Variants in PARVA observed in about 807,000 individuals in gnomAD.
PARVA encodes parvin alpha.
Under a neutral mutation model 52.6 loss-of-function variants are expected in PARVA, and 25 were observed. The observed-to-expected ratio is 0.48, with a 90% confidence interval of 0.35 to 0.66. The LOEUF (loss-of-function observed/expected upper bound fraction) is 0.66. PARVA is among the 30% of genes least tolerant of loss of function. The pLI is 0.01. For missense variants in PARVA, 373 were observed against 450.9 expected, an observed-to-expected ratio of 0.83 and a Z score of 1.56; for synonymous variants, 185 against 179.1, an observed-to-expected ratio of 1.03 and a Z score of -0.26.
At chr11:12,513,778 T>C (rs1050280790) in intron 9 of PARVA, 3 of 598,922 alleles carry the variant, frequency 5.0e-6, no homozygotes, top group African/African-American at 1.9e-5. Flanking sequence ...CCTTGTTCCT[T>C]ACACGCCCTG....
At chr11:12,387,975 C>T (rs1341774726) in intron 1 of PARVA, among the ~76,000 whole-genome samples, 1 of 152,132 alleles carries the variant, frequency 6.6e-6, no homozygotes, top group Non-Finnish European at 1.5e-5. Flanking sequence ...CCTTAATTCC[C>T]CAAAGTCTGT....
chr11:12,465,696 T>C (rs1940845007), intron 1 of PARVA, among the ~76,000 whole-genome samples: 1 of 152,246 alleles, frequency 6.6e-6, no homozygotes, highest in Non-Finnish European at 1.5e-5. Flanking sequence ...GCTTTATAGC[T>C]CATTTCCTTT....
At chr11:12,477,578 T>C (rs1158012560) in intron 3 of PARVA, among the ~76,000 whole-genome samples, 2 of 152,178 alleles carry the variant, frequency 1.3e-5, no homozygotes, top group Non-Finnish European at 2.9e-5. Context: ...ATAGTTCTCC[T>C]GCTTTTAAAA....
intron 1 of PARVA, among the ~76,000 whole-genome samples, chr11:12,442,711 C>T (rs369516268): frequency 5.9e-5 from 9 of 151,832 alleles, no homozygotes; most frequent in Middle Eastern, 3.4e-3. Context: ...CCATGAGAAC[C>T]GAGGGGAAAA....
Position 12,527,033 on chromosome 11 carries a change from G to A in PARVA, c.1043-816G>A, listed in dbSNP as rs372852152. 9.8e-5 allele frequency among the ~76,000 whole-genome samples: 15 copies of A among 152,318 alleles called. No homozygotes were observed. The East Asian group carries it at 2.9e-3, about 29-fold the overall frequency. The stretch of plus-strand genomic sequence containing the variant: ...GCCTCTAGCCTACAAAATCATGCAA[G>A]CTCTGTAACTTGGAATTCAAGGCCT... On this transcript the variant is annotated intron_variant, in intron 12 of 12. Transcript: ENST00000334956.
intron 1 of PARVA, among the ~76,000 whole-genome samples, chr11:12,388,962 C>G (rs1028987382): frequency 1.3e-5 from 2 of 151,926 alleles, no homozygotes; most frequent in African/African-American, 4.8e-5. Flanking sequence ...ATTACAGGGC[C>G]AGAGTGTGAT....
At chr11:12,443,115 C>A (rs902982694) in intron 1 of PARVA, among the ~76,000 whole-genome samples, 1 of 149,720 alleles carries the variant, frequency 6.7e-6, no homozygotes, top group Admixed American at 6.7e-5. Flanking sequence ...CCCGCCTGGG[C>A]CTCCCAAAGT....
intron 1 of PARVA, among the ~76,000 whole-genome samples, chr11:12,427,094 A>T (rs189959764): frequency 6.6e-6 from 1 of 152,358 alleles, no homozygotes; most frequent in East Asian, 1.9e-4. Context: ...AACAGAAATG[A>T]AGTAAAAATC....
At chr11:12,453,615 G>A (rs1940654210) in intron 1 of PARVA, among the ~76,000 whole-genome samples, 1 of 152,204 alleles carries the variant, frequency 6.6e-6, no homozygotes, top group African/African-American at 2.4e-5. Flanking sequence ...AGAAACTGAG[G>A]TGGGTTTTAT....
intron 1 of PARVA, among the ~76,000 whole-genome samples, chr11:12,389,804 A>C (rs1939631290): frequency 6.6e-6 from 1 of 152,196 alleles, no homozygotes; most frequent in African/African-American, 2.4e-5. Context: ...GATCTGAGCC[A>C]GTTAGAGCAC....
rs1001301796 is a variant in PARVA, at chr11:12,532,015, CT to C, written c.*4091del. Among the ~76,000 whole-genome samples the C allele has an allele frequency of 6.6e-6, 1 of 152,172 alleles. No individual in the cohort carries two copies. The highest frequency in any genetic ancestry group is 1.5e-5 in the Non-Finnish European group (1 of 68,026). ...CGACTGTGTTTTTACTCTCTGCTCCCTGAAAACTGTAACCCCAGGCTAGCTC... is the reference window on the plus strand; with the variant it reads ...CGACTGTGTTTTTACTCTCTGCTCCCGAAAACTGTAACCCCAGGCTAGCTC... On this transcript the variant is annotated 3_prime_UTR_variant, in exon 13 of 13. Transcript: ENST00000334956.
intron 1 of PARVA, among the ~76,000 whole-genome samples, chr11:12,448,475 A>C (rs1281228044): frequency 6.6e-6 from 1 of 152,202 alleles, no homozygotes; most frequent in East Asian, 1.9e-4. Context: ...AGCTCCAGAC[A>C]TTGGGTAAGG....
At chr11:12,383,964 T>C (rs2134945338) in intron 1 of PARVA, among the ~76,000 whole-genome samples, 1 of 152,206 alleles carries the variant, frequency 6.6e-6, no homozygotes, top group East Asian at 1.9e-4. Flanking sequence ...AGATAGAAAA[T>C]TGAGACCAGC....
At chr11:12,456,490 A>G (rs1940698566) in intron 1 of PARVA, among the ~76,000 whole-genome samples, 1 of 151,958 alleles carries the variant, frequency 6.6e-6, no homozygotes, top group Non-Finnish European at 1.5e-5. Context: ...CAGCCATCCT[A>G]CAGACTTGCA....
chr11:12,450,219 A>G (rs1215800772), intron 1 of PARVA, among the ~76,000 whole-genome samples: 1 of 152,204 alleles, frequency 6.6e-6, no homozygotes, highest in Non-Finnish European at 1.5e-5. Context: ...TTAAGTCAAG[A>G]TCTTTGTACA....
chr11:12,512,305 T>C (rs373350150), intron 8 of PARVA, among the ~76,000 whole-genome samples: 5 of 152,354 alleles, frequency 3.3e-5, no homozygotes, highest in African/African-American at 1.2e-4. Context: ...TCTTCCCTCA[T>C]CACAGCTCTT....
At chr11:12,487,536 A>G (rs534079286) in intron 4 of PARVA, among the ~76,000 whole-genome samples, 1 of 152,336 alleles carries the variant, frequency 6.6e-6, no homozygotes, top group African/African-American at 2.4e-5. Flanking sequence ...CAATAGCCAA[A>G]TGTAGCTAGT....
chr11:12,445,903 G>A (rs909646374), intron 1 of PARVA, among the ~76,000 whole-genome samples: 8 of 152,068 alleles, frequency 5.3e-5, no homozygotes, highest in African/African-American at 9.7e-5. Context: ...TCCCTATACC[G>A]CAACAAATGC....
intron 1 of PARVA, among the ~76,000 whole-genome samples, chr11:12,426,028 T>C (rs1351180467): frequency 1.3e-5 from 2 of 151,692 alleles, no homozygotes; most frequent in African/African-American, 4.8e-5. Flanking sequence ...GTACCTCCCA[T>C]GTGCCAGGTG....
Sources: allele counts gnomAD v4.1 joint callset (sites outside exome capture counted in the v4.1 genomes callset), GRCh38; gene constraint gnomAD v4.1.1; transcripts MANE v1.5; gene names NCBI Gene and HGNC (gene_info 2026-07-23, HGNC 2026-07-21).